The following SLC10A7 variants were observed in gnomAD, a reference collection of about 807,000 sequenced individuals.
The protein encoded by SLC10A7 is sodium/bile acid cotransporter 7.
Under a neutral mutation model 43.2 loss-of-function variants are expected in SLC10A7, and 29 were observed. That is an observed-to-expected ratio of 0.67 (90% CI 0.50 to 0.92). The LOEUF (loss-of-function observed/expected upper bound fraction) is 0.92, where lower values mean the gene tolerates loss of function less well. Ranked by LOEUF, SLC10A7 falls within the 40% of genes least tolerant of loss-of-function variation. The pLI, the probability that SLC10A7 is intolerant of heterozygous loss-of-function variation, is 0.00. For synonymous variants in SLC10A7, 152 were observed against 144.8 expected (o/e 1.05, Z -0.35); for missense variants, 295 against 403.2 (o/e 0.73, Z 2.30).
chr4:146,332,950 C>A (rs1733635524), intron 5 of SLC10A7, among the ~76,000 whole-genome samples: 1 of 152,086 alleles, frequency 6.6e-6, no homozygotes, highest in Admixed American at 6.5e-5. Flanking sequence ...CTCAGTGAGG[C>A]CTTACAGGAA....
rs567100113 is a variant in SLC10A7 at position 146,274,707 on chromosome 4, T to C, written c.847+8485A>G. 1.1e-3 allele frequency among the ~76,000 whole-genome samples: 171 copies of C among 152,304 alleles called. 1 individual carries two copies. The highest frequency in any genetic ancestry group is 6.8e-3 in the Middle Eastern group (2 of 294). On this transcript the variant is annotated intron_variant, in intron 10 of 11. Transcript: ENST00000335472. ...AATATCATATATTGAAACCATGGAA[T>C]GAGGAAGAAGGTGATTCCTGGAAAT... is the stretch of plus-strand genomic sequence containing the variant.
chr4:146,260,692 G>C (rs10519785), intron 10 of SLC10A7, among the ~76,000 whole-genome samples: 2 of 152,130 alleles, frequency 1.3e-5, no homozygotes, highest in Non-Finnish European at 2.9e-5. Flanking sequence ...TCTAAACTGC[G>C]ACTCAGGCAA....
chr4:146,351,219 G>C (rs1735071893), intron 5 of SLC10A7, among the ~76,000 whole-genome samples: 1 of 150,288 alleles, frequency 6.7e-6, no homozygotes, highest in Non-Finnish European at 1.5e-5. Flanking sequence ...CAAGGCTCGA[G>C]AACTACGTGA....
chr4:146,420,727 G>A (rs1247032324), intron 5 of SLC10A7, among the ~76,000 whole-genome samples: 1 of 152,028 alleles, frequency 6.6e-6, no homozygotes, highest in Non-Finnish European at 1.5e-5. Context: ...TTGGGGGCTA[G>A]ATAAGAAGTT....
At chr4:146,323,991 C>A (rs942145241) in intron 6 of SLC10A7, among the ~76,000 whole-genome samples, 1 of 152,208 alleles carries the variant, frequency 6.6e-6, no homozygotes, top group African/African-American at 2.4e-5. Flanking sequence ...TATACAAAAT[C>A]ATTGTGCAAA....
intron 4 of SLC10A7, among the ~76,000 whole-genome samples, chr4:146,448,692 C>T (rs1325359531): frequency 6.6e-6 from 1 of 152,006 alleles, no homozygotes; most frequent in South Asian, 2.1e-4. Context: ...AAATGTTTAC[C>T]AAAATGTAAA....
intron 10 of SLC10A7, among the ~76,000 whole-genome samples, chr4:146,274,885 T>C (rs939778789): frequency 9.2e-5 from 14 of 152,298 alleles, no homozygotes; most frequent in Non-Finnish European, 8.8e-5. Context: ...TGGCCAGTCT[T>C]AAGTAAGAAA....
intron 1 of SLC10A7, among the ~76,000 whole-genome samples, chr4:146,519,109 AT>A (rs1560991834): frequency 0.045 from 1,318 of 29,552 alleles, 153 homozygotes; most frequent in East Asian, 0.11. Context: ...ATATATATAT[AT>A]ATAATATAAT....
At chr4:146,515,289 A>T in intron 2 of SLC10A7, 1 of 629,168 alleles carries the variant, frequency 1.6e-6, no homozygotes, top group Non-Finnish European at 2.9e-6. Context: ...TTCCATAAAG[A>T]GCATTAGCCA....
rs554465514 is a variant in SLC10A7 at position 146,299,869 on chromosome 4, C to T, written c.556-5774G>A. Reference sequence around the variant, plus strand: ...CAAAGCTCAGCTGCTCCAGTAGAAGCGGGGTTGGGCCTTTGTGAAGCAGGT... The same window carrying T: ...CAAAGCTCAGCTGCTCCAGTAGAAGTGGGGTTGGGCCTTTGTGAAGCAGGT... On this transcript the variant is annotated intron_variant, in intron 7 of 11. Transcript: ENST00000335472. 6.6e-5 allele frequency among the ~76,000 whole-genome samples: 10 copies of T among 152,142 alleles called. No individual in the cohort carries two copies. In the East Asian group the frequency reaches 9.7e-4, roughly 15 times the overall value.
rs573036097 is a variant in SLC10A7 at position 146,256,866 on chromosome 4, T to C, written c.994-346A>G. 4.6e-4 allele frequency: 704 copies of C among 1,536,246 alleles called. 6 individuals are homozygous for C. The South Asian group carries it at 5.1e-3, about 11-fold the overall frequency. ...TTGGTATTTATTTTAATGCCCAAAT[T>C]TGATGGATAGATATTCCAAGCCTTC... is the stretch of plus-strand genomic sequence containing the variant. On this transcript the variant is annotated intron_variant, in intron 11 of 11. Coordinates refer to ENST00000335472, the MANE Select transcript of SLC10A7 (RefSeq NM_001029998.6).
intron 4 of SLC10A7, among the ~76,000 whole-genome samples, chr4:146,482,736 T>C (rs1734581759): frequency 6.6e-6 from 1 of 152,130 alleles, no homozygotes; most frequent in Non-Finnish European, 1.5e-5. Flanking sequence ...TCCATATCTA[T>C]GAAGCTCAAA....
chr4:146,506,987 G>A (rs1271372378), intron 3 of SLC10A7, among the ~76,000 whole-genome samples: 1 of 151,992 alleles, frequency 6.6e-6, no homozygotes, highest in African/African-American at 2.4e-5. Context: ...AAAAATTTAT[G>A]GCATACAACA....
intron 4 of SLC10A7, among the ~76,000 whole-genome samples, chr4:146,453,894 A>G (rs1229323056): frequency 6.6e-6 from 1 of 151,960 alleles, no homozygotes; most frequent in Non-Finnish European, 1.5e-5. Context: ...CACAATATGC[A>G]TGGGGCAAGA....
intron 4 of SLC10A7, among the ~76,000 whole-genome samples, chr4:146,474,251 T>C (rs1207966370): frequency 1.3e-5 from 2 of 152,050 alleles, no homozygotes; most frequent in African/African-American, 4.8e-5. Flanking sequence ...AATACTAAAC[T>C]CCATTTTAAA....
intron 5 of SLC10A7, among the ~76,000 whole-genome samples, chr4:146,384,916 T>A (rs1465488108): frequency 2.0e-5 from 3 of 152,110 alleles, no homozygotes; most frequent in African/African-American, 7.2e-5. Flanking sequence ...ATATATTTTT[T>A]AAAACAGAAT....
intron 5 of SLC10A7, among the ~76,000 whole-genome samples, chr4:146,438,202 T>C (rs1730342737): frequency 6.6e-6 from 1 of 151,894 alleles, no homozygotes; most frequent in African/African-American, 2.4e-5. Flanking sequence ...AACAATTGGG[T>C]AAGGGAAGAA....
intron 4 of SLC10A7, among the ~76,000 whole-genome samples, chr4:146,448,260 A>T (rs1445571260): frequency 6.6e-6 from 1 of 151,978 alleles, no homozygotes; most frequent in Non-Finnish European, 1.5e-5. Context: ...AAAAAAACTT[A>T]AAAAAATGGG....
intron 5 of SLC10A7, among the ~76,000 whole-genome samples, chr4:146,382,889 A>AT (rs1737731197): frequency 6.6e-6 from 1 of 151,884 alleles, no homozygotes; most frequent in African/African-American, 2.4e-5. Context: ...GGCCCAGGGT[A>AT]TCTTGAGATA....
Sources: gnomAD v4.1 joint callset for allele counts (sites outside exome capture counted in the v4.1 genomes callset) on GRCh38, gnomAD v4.1.1 for gene constraint, MANE v1.5 for transcripts, NCBI Gene and HGNC (gene_info 2026-07-23, HGNC 2026-07-21) for gene names.